ESRRG: variants seen among roughly 807,000 people sequenced by gnomAD.
ESRRG encodes estrogen-related receptor gamma.
A neutral mutation model predicts 44.0 loss-of-function variants in ESRRG; 13 were observed. The observed-to-expected ratio is 0.30, with a 90% confidence interval of 0.19 to 0.47. ESRRG has a LOEUF of 0.47. Among genes scored for constraint, ESRRG ranks in the 20% least tolerant of loss-of-function variants. ESRRG has a pLI of 1.00. For synonymous variants in ESRRG, 215 were observed against 214.6 expected, an observed-to-expected ratio of 1.00 and a Z score of -0.02; for missense variants, 395 against 580.6, an observed-to-expected ratio of 0.68 and a Z score of 3.29.
At chr1:217,126,351 T>A (rs1190007782) in intron 1 of ESRRG, among the ~76,000 whole-genome samples, 1 of 152,208 alleles carries the variant, frequency 6.6e-6, no homozygotes, top group Non-Finnish European at 1.5e-5. Flanking sequence ...ATTTCAACAT[T>A]CTATAATATT....
chr1:216,565,301 A>C (rs2059492872), intron 4 of ESRRG, among the ~76,000 whole-genome samples: 1 of 152,106 alleles, frequency 6.6e-6, no homozygotes, highest in Admixed American at 6.6e-5. Context: ...CCCTATTTTC[A>C]ATTTCTATAT....
At chr1:217,075,394 T>A (rs2091141209) in intron 1 of ESRRG, among the ~76,000 whole-genome samples, 1 of 152,138 alleles carries the variant, frequency 6.6e-6, no homozygotes, top group Non-Finnish European at 1.5e-5. Flanking sequence ...CATGGTTAGG[T>A]CCAGAGCAAA....
intron 5 of ESRRG, among the ~76,000 whole-genome samples, chr1:216,532,234 T>C (rs986756571): frequency 6.6e-6 from 1 of 152,108 alleles, no homozygotes. Context: ...TAATTCTAAA[T>C]ATACCCAAGC....
chr1:216,649,150 C>A (rs2068328927), intron 3 of ESRRG, among the ~76,000 whole-genome samples: 1 of 152,034 alleles, frequency 6.6e-6, no homozygotes, highest in Non-Finnish European at 1.5e-5. Context: ...CAAAATTGTC[C>A]TTCTGGCAAT....
At chr1:216,912,455 C>T (rs1006380588) in intron 2 of ESRRG, among the ~76,000 whole-genome samples, 1 of 151,984 alleles carries the variant, frequency 6.6e-6, no homozygotes, top group African/African-American at 2.4e-5. Context: ...CAAATGTAGG[C>T]CTGTGTAATG....
At chr1:216,739,728 C>G (rs540373494) in intron 2 of ESRRG, among the ~76,000 whole-genome samples, 14 of 152,276 alleles carry the variant, frequency 9.2e-5, no homozygotes, top group African/African-American at 3.4e-4. Flanking sequence ...AAACCCAGCT[C>G]ACTGCTAACT....
At chr1:216,950,294 C>G (rs575002324) in intron 1 of ESRRG, among the ~76,000 whole-genome samples, 1 of 152,094 alleles carries the variant, frequency 6.6e-6, no homozygotes, top group Non-Finnish European at 1.5e-5. Context: ...CTAATGAACT[C>G]AAAACTTAAT....
rs61817866 is a variant in ESRRG at position 216,769,056 on chromosome 1, T to C, written c.-13-91565A>G. 2.0e-4 allele frequency among the ~76,000 whole-genome samples: 29 copies of C among 142,026 alleles called. No homozygotes were observed. The East Asian group carries it at 5.7e-3, about 28-fold the overall frequency. 93.2% of individuals were successfully genotyped at this position (142,026 alleles called of 152,430 possible). A position where few individuals can be genotyped will look rare whatever the true frequency, so the allele number is the denominator to read the frequency against. ...CATGAGAAGCATGGAATAGATGTTT[T>C]AGGAAAAGGAGGCCAAAAAAAAAAT... On this transcript the variant is annotated intron_variant, in intron 2 of 7. Transcript: ENST00000359162.
Position 216,651,038 on chromosome 1 carries a change from C to T in ESRRG, c.524G>A (p.Arg175His), listed in dbSNP as rs746586110. The T allele has an allele frequency of 1.9e-6, 3 of 1,613,482 alleles. No individual in the cohort carries two copies. The highest frequency in any genetic ancestry group is 2.5e-6 in the Non-Finnish European group (3 of 1,179,526). ...GCAAGCCTGGCAGGATTTACGTCTG[C>T]GCTTTGTGATTTCACATTCATTCGT... is the stretch of plus-strand genomic sequence containing the variant. The part of the protein sequence containing the change: ...PATNECEITK[R>H]RRKSCQACRF... The change falls in exon 3 of 7, where the codon CGC becomes CAC. Residue 175 changes from arginine (R) to histidine (H), a missense_variant. Arg to His is a conservative substitution (Grantham distance 29). Around this residue, in one of 5 missense-constraint regions of ESRRG, gnomAD observed 35 missense variants for 120.1 expected, o/e 0.29. Transcript: ENST00000408911.
chr1:216,851,862 A>G (rs1369135555), intron 2 of ESRRG, among the ~76,000 whole-genome samples: 1 of 152,236 alleles, frequency 6.6e-6, no homozygotes, highest in Non-Finnish European at 1.5e-5. Flanking sequence ...GGTATTTAGG[A>G]AGAGTAGAAA....
chr1:216,860,159 T>C (rs1210869042), intron 2 of ESRRG, among the ~76,000 whole-genome samples: 1 of 152,090 alleles, frequency 6.6e-6, no homozygotes, highest in Non-Finnish European at 1.5e-5. Context: ...CAGCTATTCA[T>C]GAGGCTGAGA....
At chr1:216,955,680 C>T (rs1171012163) in intron 1 of ESRRG, among the ~76,000 whole-genome samples, 1 of 152,080 alleles carries the variant, frequency 6.6e-6, no homozygotes, top group Non-Finnish European at 1.5e-5. Context: ...TAAGACTTCC[C>T]TTTTCTCTGC....
At chr1:216,715,227 G>A in intron 1 of ESRRG, 4 of 985,328 alleles carry the variant, frequency 4.1e-6, no homozygotes, top group Non-Finnish European at 4.8e-6. Flanking sequence ...TCCCATGACT[G>A]ATGAGGCAGG....
chr1:217,103,050 A>T (rs2151571000), intron 1 of ESRRG, among the ~76,000 whole-genome samples: 1 of 152,314 alleles, frequency 6.6e-6, no homozygotes, highest in African/African-American at 2.4e-5. Context: ...CTGTCAAATA[A>T]TTCTGTCATT....
At chr1:217,026,444 A>G (rs1389431006) in intron 1 of ESRRG, among the ~76,000 whole-genome samples, 2 of 152,244 alleles carry the variant, frequency 1.3e-5, no homozygotes, top group Non-Finnish European at 2.9e-5. Flanking sequence ...GGTAAAATGT[A>G]TGTGCACTCA....
At chr1:217,082,821 C>T (rs1400385566) in intron 1 of ESRRG, among the ~76,000 whole-genome samples, 4 of 152,170 alleles carry the variant, frequency 2.6e-5, no homozygotes, top group Admixed American at 2.0e-4. Context: ...AAAGCCATAT[C>T]TTATCACAAG....
chr1:216,846,887 A>G (rs751160855), intron 2 of ESRRG, among the ~76,000 whole-genome samples: 5 of 151,906 alleles, frequency 3.3e-5, no homozygotes, highest in Non-Finnish European at 7.4e-5. Context: ...TTTTGTATAT[A>G]TATTTATATA....
At chr1:216,835,994 C>T (rs941122186) in intron 2 of ESRRG, among the ~76,000 whole-genome samples, 2 of 151,396 alleles carry the variant, frequency 1.3e-5, no homozygotes, top group Non-Finnish European at 2.9e-5. Flanking sequence ...AGAAAAAGTA[C>T]CTGCTTAATT....
At chr1:216,733,263 T>G (rs973757312) in intron 2 of ESRRG, among the ~76,000 whole-genome samples, 7 of 151,670 alleles carry the variant, frequency 4.6e-5, no homozygotes, top group Admixed American at 2.6e-4. Context: ...TTTTTTTTTT[T>G]GTCACACTAC....
Sources: gnomAD v4.1 joint callset for allele counts (sites outside exome capture counted in the v4.1 genomes callset) on GRCh38, gnomAD v4.1.1 for gene constraint, gnomAD v4.1.1 regional missense constraint, MANE v1.5 for transcripts, NCBI Gene and HGNC (gene_info 2026-07-23, HGNC 2026-07-21) for gene names.